The following EYS variants were observed in gnomAD, a reference collection of about 807,000 sequenced individuals.
The protein encoded by EYS is protein eyes shut homolog.
A neutral mutation model predicts 282.1 loss-of-function variants in EYS; 250 were observed. The ratio of observed to expected loss-of-function variants is 0.89; its 90% confidence interval spans 0.80 to 0.98. EYS has a LOEUF of 0.98. Ranked by LOEUF, EYS falls within the 50% of genes least tolerant of loss-of-function variation. The pLI, the probability that EYS is intolerant of heterozygous loss-of-function variation, is 0.00. For missense variants in EYS, 4,016 were observed against 3,709.0 expected (o/e 1.08, Z -2.15); for synonymous variants, 1,355 against 1,282.9 (o/e 1.06, Z -1.20).
At chr6:63,836,106 G>A (rs188261541) in intron 36 of EYS, among the ~76,000 whole-genome samples, 1 of 151,996 alleles carries the variant, frequency 6.6e-6, no homozygotes, top group African/African-American at 2.4e-5. Flanking sequence ...TGGAATTGCT[G>A]GGTCATATGG....
intron 2 of EYS, among the ~76,000 whole-genome samples, chr6:65,624,007 G>A (rs1766612642): frequency 6.6e-6 from 1 of 152,166 alleles, no homozygotes; most frequent in Admixed American, 6.5e-5. Context: ...ATGATAGATG[G>A]ATGGATAGAT....
chr6:64,543,197 A>C (rs1162598291), intron 26 of EYS, among the ~76,000 whole-genome samples: 1 of 152,106 alleles, frequency 6.6e-6, no homozygotes, highest in Non-Finnish European at 1.5e-5. Flanking sequence ...AGTTACCACA[A>C]TATCTGGAGC....
intron 26 of EYS, among the ~76,000 whole-genome samples, chr6:64,536,401 T>C (rs982491539): frequency 1.3e-5 from 2 of 152,300 alleles, no homozygotes; most frequent in Non-Finnish European, 2.9e-5. Context: ...TATTCAGTGA[T>C]GGTAACTTCA....
chr6:65,434,219 A>C (rs2150386599), intron 5 of EYS, among the ~76,000 whole-genome samples: 1 of 152,336 alleles, frequency 6.6e-6, no homozygotes, highest in African/African-American at 2.4e-5. Context: ...CCAGAGATGA[A>C]GAGAAGCACC....
chr6:64,226,311 A>G (rs560072014), intron 31 of EYS, among the ~76,000 whole-genome samples: 2 of 152,146 alleles, frequency 1.3e-5, no homozygotes, highest in Non-Finnish European at 1.5e-5. Flanking sequence ...TTTCCTCAGT[A>G]CAGTTAACCT....
At position 65,357,378 on chromosome 6, in the gene EYS, C is replaced by T. The variant is rs545708984; in HGVS notation, c.1300-3761G>A. On this transcript the variant is annotated intron_variant, in intron 8 of 42. Transcript: ENST00000503581. Reference sequence around the variant, plus strand: ...GCTCTCTTAATTTGTTCTTGTCCATCGTCTATAATACGCATGTGCACCTTC... The same window carrying T: ...GCTCTCTTAATTTGTTCTTGTCCATTGTCTATAATACGCATGTGCACCTTC... Among the ~76,000 whole-genome samples the T allele has an allele frequency of 6.6e-5, 10 of 152,002 alleles. No homozygotes were observed. In the South Asian group the frequency reaches 1.2e-3, roughly 19 times the overall value.
intron 33 of EYS, among the ~76,000 whole-genome samples, chr6:64,015,726 T>A (rs1228792876): frequency 6.6e-6 from 1 of 152,162 alleles, no homozygotes; most frequent in East Asian, 1.9e-4. Context: ...AGGAAAGACA[T>A]TGTCATTCTC....
At chr6:65,020,488 G>C (rs1772216438) in intron 13 of EYS, among the ~76,000 whole-genome samples, 1 of 152,060 alleles carries the variant, frequency 6.6e-6, no homozygotes, top group Non-Finnish European at 1.5e-5. Context: ...CATGGCTTTG[G>C]GCAGCTCTGT....
intron 12 of EYS, among the ~76,000 whole-genome samples, chr6:65,127,442 T>G (rs911544815): frequency 2.0e-5 from 3 of 152,254 alleles, no homozygotes; most frequent in African/African-American, 7.2e-5. Flanking sequence ...AAATTTTAAA[T>G]GTAGGCCTCC....
intron 35 of EYS, among the ~76,000 whole-genome samples, chr6:63,867,189 T>A (rs960798537): frequency 6.6e-6 from 1 of 152,192 alleles, no homozygotes; most frequent in African/African-American, 2.4e-5. Flanking sequence ...TTCAAAACAG[T>A]GTCACCCTCT....
intron 22 of EYS, among the ~76,000 whole-genome samples, chr6:64,769,148 C>A (rs1381007000): frequency 6.6e-6 from 1 of 152,064 alleles, no homozygotes; most frequent in Non-Finnish European, 1.5e-5. Flanking sequence ...AATGGGACAG[C>A]AACTAAAGAA....
intron 24 of EYS, among the ~76,000 whole-genome samples, chr6:64,606,339 A>G (rs1766936555): frequency 6.6e-6 from 1 of 151,992 alleles, no homozygotes; most frequent in Non-Finnish European, 1.5e-5. Context: ...TTGACCTCCT[A>G]TATAGACTAT....
chr6:65,102,541 T>C (rs1422685212), intron 12 of EYS, among the ~76,000 whole-genome samples: 2 of 151,218 alleles, frequency 1.3e-5, no homozygotes, highest in Non-Finnish European at 1.5e-5. Context: ...GAAATTTAAT[T>C]TCCTTTAATT....
At chr6:65,574,740 C>T (rs1764598360) in intron 2 of EYS, among the ~76,000 whole-genome samples, 1 of 152,040 alleles carries the variant, frequency 6.6e-6, no homozygotes, top group African/African-American at 2.4e-5. Flanking sequence ...AAACATCGGA[C>T]TTGAACTATA....
intron 30 of EYS, among the ~76,000 whole-genome samples, chr6:64,234,451 A>G (rs1271633559): frequency 4.6e-5 from 7 of 152,136 alleles, no homozygotes; most frequent in Non-Finnish European, 1.0e-4. Flanking sequence ...GTTTGGATAT[A>G]TCATCATGGA....
At chr6:65,293,608 T>C (rs951209102) in intron 12 of EYS, among the ~76,000 whole-genome samples, 4 of 151,864 alleles carry the variant, frequency 2.6e-5, no homozygotes, top group African/African-American at 9.7e-5. Flanking sequence ...CAACTCCTCT[T>C]CATTAACATA....
In EYS at chr6:65,011,966, C is replaced by CA. The variant is rs200862586; in HGVS notation, c.2138-14264dup. 5.7e-3 allele frequency among the ~76,000 whole-genome samples: 857 copies of CA among 151,530 alleles called. 9 individuals carry two copies. Among genetic ancestry groups the CA allele is most frequent in the African/African-American group, 0.018 (743 of 41,354 alleles). On this transcript the variant is annotated intron_variant, in intron 13 of 42. Transcript: ENST00000503581. The stretch of plus-strand genomic sequence containing the variant: ...TTCACTCTATTAAATCTTGCAACAG[C>CA]AAAAAAAAGAAAGTAGATTATTAAC...
intron 2 of EYS, among the ~76,000 whole-genome samples, chr6:65,570,135 A>T (rs1001841579): frequency 7.9e-5 from 12 of 152,252 alleles, no homozygotes; most frequent in East Asian, 3.9e-4. Flanking sequence ...AATAAAATAA[A>T]AAAAAGTTAT....
chr6:64,477,573 C>T (rs1776312843), intron 26 of EYS, among the ~76,000 whole-genome samples: 2 of 152,048 alleles, frequency 1.3e-5, no homozygotes, highest in Non-Finnish European at 2.9e-5. Flanking sequence ...CCTCCTGACC[C>T]ACGGCCACCC....
Sources: allele counts gnomAD v4.1 joint callset (sites outside exome capture counted in the v4.1 genomes callset), GRCh38; gene constraint gnomAD v4.1.1; transcripts MANE v1.5; gene names NCBI Gene and HGNC (gene_info 2026-07-23, HGNC 2026-07-21).